Variants in PLEKHG3 observed in about 807,000 individuals in gnomAD.
PLEKHG3 encodes pleckstrin homology domain-containing family G member 3.
A neutral mutation model predicts 94.9 loss-of-function variants in PLEKHG3; 62 were observed. The observed-to-expected ratio is 0.65, with a 90% CI of 0.53 to 0.81. PLEKHG3 has a LOEUF of 0.81. Ranked by LOEUF, PLEKHG3 falls within the 30% of genes least tolerant of loss-of-function variation. The pLI is 0.00. For missense variants in PLEKHG3, 1,461 were observed against 1,619.3 expected (o/e 0.90, Z 1.68); for synonymous variants, 614 against 654.0 (o/e 0.94, Z 0.93).
chr14:64,719,561 A>G (rs1210893545), intron 1 of PLEKHG3, among the ~76,000 whole-genome samples: 1 of 151,268 alleles, frequency 6.6e-6, no homozygotes, highest in African/African-American at 2.4e-5. Context: ...GGTCTGCCTG[A>G]CTCCACAGCC....
chr14:64,714,416 A>G (rs973605389), intron 1 of PLEKHG3, among the ~76,000 whole-genome samples: 1 of 152,192 alleles, frequency 6.6e-6, no homozygotes, highest in Non-Finnish European at 1.5e-5. Context: ...CTCCTTAGCT[A>G]GTGGAAATTC....
rs1466877818 is a variant in PLEKHG3 at position 64,718,255 on chromosome 14, C to T, written c.-39-9338C>T. ...TTTGTGAATACTCTGTTTATATGGC[C>T]ATTTTTCCTTCTGAAGTTCAAGTTC... On this transcript the variant is annotated intron_variant, in intron 1 of 16. Coordinates refer to ENST00000247226, the MANE Select transcript of PLEKHG3 (RefSeq NM_001308147.2). The surrounding 1 kb of genome is among the most constrained non-coding windows in gnomAD (Gnocchi z 5.0). Among the ~76,000 whole-genome samples the T allele has an allele frequency of 6.6e-6, 1 of 152,154 alleles. No individual in the cohort carries two copies. Among genetic ancestry groups the T allele is most frequent in the Non-Finnish European group, 1.5e-5 (1 of 68,032 alleles).
At position 64,749,370 on chromosome 14, in the gene PLEKHG3, G is replaced by A; in HGVS notation, c.*5667G>A. The A allele has an allele frequency of 1.2e-6, 2 of 1,610,448 alleles. No individual in the cohort carries two copies. The highest frequency in any genetic ancestry group is 1.7e-6 in the Non-Finnish European group (2 of 1,179,754). ...GTCTTTCTTGCCGAGGCTGGCGTCG[G>A]GGCCGGAGAGGGAAGGCAGGGGCAG... On this transcript the variant is annotated 3_prime_UTR_variant, in exon 17 of 17. Transcript: ENST00000247226. This position sits in a 1 kb window ranked among gnomAD's most constrained non-coding sequence, Gnocchi z 4.7.
In PLEKHG3 at chr14:64,732,586, A is replaced by G; in HGVS notation, c.1246+126A>G. 5 of 776,790 alleles carry G rather than the reference A, an allele frequency of 6.4e-6. No homozygotes were observed. The highest frequency in any genetic ancestry group is 1.1e-5 in the Non-Finnish European group (5 of 437,122). 48.1% of individuals were successfully genotyped at this position (776,790 alleles called of 1,614,324 possible). On this transcript the variant is annotated intron_variant, in intron 11 of 16. Transcript: ENST00000247226. The surrounding 1 kb of genome is among the most constrained non-coding windows in gnomAD (Gnocchi z 4.9). Reference sequence around the variant, plus strand: ...CAGGGAGGGCGGGGGTCTCCTGTTAAGGGCTGGGGGGTGAACTACATGATT... The same window carrying G: ...CAGGGAGGGCGGGGGTCTCCTGTTAGGGGCTGGGGGGTGAACTACATGATT...
At chr14:64,719,910 C>G (rs1013489055) in intron 1 of PLEKHG3, among the ~76,000 whole-genome samples, 3 of 152,146 alleles carry the variant, frequency 2.0e-5, no homozygotes, top group African/African-American at 7.2e-5. Context: ...AGAGGTGGGG[C>G]CTCTGGGAAC....
In PLEKHG3 at chr14:64,732,832, C is replaced by A. The variant is rs773983219; in HGVS notation, c.1276C>A (p.Arg426=). Residue 426 remains arginine (R), a synonymous_variant, in exon 12 of 17, where the codon CGG becomes AGG. Coordinates refer to ENST00000247226, the MANE Select transcript of PLEKHG3 (RefSeq NM_001308147.2). This position sits in a 1 kb window ranked among gnomAD's most constrained non-coding sequence, Gnocchi z 4.9. ...CAATCGGTACCGCTGCAGCCCAGAG[C>A]GGCTGAAGAAGGCTTGGTCCTCCCA... ...YPNRYRCSPE[R]LKKAWSSQDE... is the part of the protein sequence containing the mutation. 6.2e-7 allele frequency: 1 copy of A among 1,609,914 alleles called. No individual in the cohort carries two copies.
chr14:64,735,785 T>C (rs1297368436), intron 12 of PLEKHG3, among the ~76,000 whole-genome samples: 1 of 152,270 alleles, frequency 6.6e-6, no homozygotes, highest in Non-Finnish European at 1.5e-5. Context: ...TTTCTGCTTC[T>C]GCTTCCCACT....
At position 64,731,485 on chromosome 14, in the gene PLEKHG3, A is replaced by G. The variant is rs755679055; in HGVS notation, c.974A>G (p.Lys325Arg). 7.4e-6 allele frequency: 12 copies of G among 1,613,978 alleles called. No individual in the cohort carries two copies. Among genetic ancestry groups the G allele is most frequent in the Non-Finnish European group, 4.2e-6 (5 of 1,180,034 alleles). Residue 325 changes from lysine (K) to arginine (R), a missense_variant, in exon 8 of 17, where the codon AAA (lysine) becomes AGA (arginine). Transcript: ENST00000247226. The surrounding 1 kb of genome is among the most constrained non-coding windows in gnomAD (Gnocchi z 6.1). ...GAAAGGACCTTTTTCCTCTTTGACA[A>G]AACACTGCTTATCACCAAGAAGCGG... The part of the protein sequence containing the change: ...RNERTFFLFD[K>R]TLLITKKRGD...
intron 1 of PLEKHG3, among the ~76,000 whole-genome samples, chr14:64,708,077 A>T (rs557429759): frequency 4.6e-5 from 7 of 152,332 alleles, no homozygotes; most frequent in African/African-American, 1.4e-4. Context: ...ATTGGGCAGG[A>T]GTGGGGAATT....
chr14:64,732,773 A>G lies in PLEKHG3; in HGVS notation c.1247-30A>G, dbSNP rs1410701478. On this transcript the variant is annotated intron_variant, in intron 11 of 16. Coordinates refer to ENST00000247226, the MANE Select transcript of PLEKHG3 (RefSeq NM_001308147.2). The surrounding 1 kb of genome is among the most constrained non-coding windows in gnomAD (Gnocchi z 4.9). ...GTAGGCCAAGGCCAATTGGGAATCA[A>G]AAGCTTGATCGTCTCTCTCCTGGGT... is the stretch of plus-strand genomic sequence containing the variant. The G allele has an allele frequency of 1.3e-6, 2 of 1,555,418 alleles. No individual in the cohort carries two copies. The highest frequency in any genetic ancestry group is 1.8e-6 in the Non-Finnish European group (2 of 1,141,892).
intron 1 of PLEKHG3, among the ~76,000 whole-genome samples, chr14:64,709,176 A>C (rs2081026296): frequency 6.6e-6 from 1 of 152,202 alleles, no homozygotes; most frequent in Non-Finnish European, 1.5e-5. Flanking sequence ...GACAGCATTG[A>C]GAATGGTACA....
Position 64,716,884 on chromosome 14 carries a change from G to A in PLEKHG3, c.-39-10709G>A, listed in dbSNP as rs1465620576. On this transcript the variant is annotated intron_variant, in intron 1 of 16. Transcript: ENST00000247226. The surrounding 1 kb of genome is among the most constrained non-coding windows in gnomAD (Gnocchi z 5.0). ...ATACTGCCCCACCGGTCTGAATTCT[G>A]GTCCATGTACGCTCCCAGCTGAGGC... 1.3e-5 allele frequency among the ~76,000 whole-genome samples: 2 copies of A among 152,238 alleles called. No homozygotes were observed. Among genetic ancestry groups the A allele is most frequent in the South Asian group, 2.1e-4 (1 of 4,832 alleles).
Position 64,724,123 on chromosome 14 carries a change from G to C in PLEKHG3, c.-39-3470G>C, listed in dbSNP as rs575243709. On this transcript the variant is annotated intron_variant, in intron 1 of 16. Coordinates refer to ENST00000247226, the MANE Select transcript of PLEKHG3 (RefSeq NM_001308147.2). ...TAGGAAGGAAAGGCTGACCCCGCCC[G>C]GGGAGCACCAGGGGAGGCACTTTAA... Among the ~76,000 whole-genome samples, 10 of 152,042 alleles carry C rather than the reference G, an allele frequency of 6.6e-5. No individual in the cohort carries two copies. In the East Asian group the frequency reaches 1.9e-3, roughly 30 times the overall value.
At chr14:64,733,546 C>A (rs1392761811) in intron 12 of PLEKHG3, among the ~76,000 whole-genome samples, 1 of 152,170 alleles carries the variant, frequency 6.6e-6, no homozygotes, top group Non-Finnish European at 1.5e-5. Flanking sequence ...CCCTCCTTTG[C>A]CTCTCTGGAA....
intron 1 of PLEKHG3, among the ~76,000 whole-genome samples, chr14:64,714,458 C>T (rs929311873): frequency 6.6e-6 from 1 of 152,202 alleles, no homozygotes. Flanking sequence ...TTTCCCTCCT[C>T]TATCTTTTTC....
Position 64,749,507 on chromosome 14 carries a change from G to T in PLEKHG3, c.*5804G>T, listed in dbSNP as rs767391649. ...CGGAGGGTCACGGTGGAGTCTGGAG[G>T]CCCACAGCCCCCCACCTCCCGGGCC... On this transcript the variant is annotated 3_prime_UTR_variant, in exon 17 of 17. Transcript: ENST00000247226. This position sits in a 1 kb window ranked among gnomAD's most constrained non-coding sequence, Gnocchi z 4.7. 4.4e-6 allele frequency: 7 copies of T among 1,597,430 alleles called. No individual in the cohort carries two copies. The highest frequency in any genetic ancestry group is 5.9e-6 in the Non-Finnish European group (7 of 1,177,458).
In PLEKHG3 at chr14:64,725,625, A is replaced by G. The variant is rs1386320360; in HGVS notation, c.-39-1968A>G. Among the ~76,000 whole-genome samples the G allele has an allele frequency of 1.3e-5, 2 of 152,218 alleles. No homozygotes were observed. Among genetic ancestry groups the G allele is most frequent in the African/African-American group, 4.8e-5 (2 of 41,450 alleles). ...AGGGGGCTCTCTTCTGAGCAGCTCAAAGAGCTTTACCAAAATGATCCTGCT... is the reference window on the plus strand; with the variant it reads ...AGGGGGCTCTCTTCTGAGCAGCTCAGAGAGCTTTACCAAAATGATCCTGCT... On this transcript the variant is annotated intron_variant, in intron 1 of 16. Coordinates refer to ENST00000247226, the MANE Select transcript of PLEKHG3 (RefSeq NM_001308147.2). The surrounding 1 kb of genome is among the most constrained non-coding windows in gnomAD (Gnocchi z 5.0).
Position 64,739,497 on chromosome 14 carries a change from C to T in PLEKHG3, c.1518+642C>T, listed in dbSNP as rs1380293153. 6.6e-6 allele frequency among the ~76,000 whole-genome samples: 1 copy of T among 152,150 alleles called. No homozygotes were observed. The highest frequency in any genetic ancestry group is 1.5e-5 in the Non-Finnish European group (1 of 68,024). On this transcript the variant is annotated intron_variant, in intron 15 of 16. Coordinates refer to ENST00000247226, the MANE Select transcript of PLEKHG3 (RefSeq NM_001308147.2). The surrounding 1 kb of genome is among the most constrained non-coding windows in gnomAD (Gnocchi z 4.1). ...TTTCCCAAAGTTATAAGGGAAAGAT[C>T]GTGAGCTACAGCCTGGACCCCATGT...
At position 64,726,447 on chromosome 14, in the gene PLEKHG3, A is replaced by G. The variant is rs1033673406; in HGVS notation, c.-39-1146A>G. ...AATAGCAATGAAATGTGTACTCTGC[A>G]AAGTGGCATTGGTGAGCTCTAAGGG... is the stretch of plus-strand genomic sequence containing the variant. On this transcript the variant is annotated intron_variant, in intron 1 of 16. Transcript: ENST00000247226. This position sits in a 1 kb window ranked among gnomAD's most constrained non-coding sequence, Gnocchi z 5.1. 6.6e-6 allele frequency among the ~76,000 whole-genome samples: 1 copy of G among 152,148 alleles called. No homozygotes were observed. The highest frequency in any genetic ancestry group is 2.4e-5 in the African/African-American group (1 of 41,422).
Sources: allele counts gnomAD v4.1 joint callset (sites outside exome capture counted in the v4.1 genomes callset), GRCh38; gene constraint gnomAD v4.1.1; non-coding constraint Gnocchi (gnomAD v3.1); transcripts MANE v1.5; gene names NCBI Gene and HGNC (gene_info 2026-07-23, HGNC 2026-07-21).